SIGLECL1: variants seen among roughly 807,000 people sequenced by gnomAD.
SIGLECL1 encodes the protein SIGLEC family-like protein 1.
In SIGLECL1, 16 loss-of-function variants were observed where a neutral mutation model predicts 19.1. The observed-to-expected ratio is 0.84, with a 90% CI of 0.57 to 1.27. SIGLECL1 has a LOEUF of 1.27. Ranked by LOEUF, SIGLECL1 falls within the 50% of genes most tolerant of loss-of-function variation. The probability of loss-of-function intolerance (pLI) is 0.00; values close to 1 mark genes in which losing one functional copy is unlikely to be tolerated. For synonymous variants in SIGLECL1, 89 were observed against 90.4 expected, an observed-to-expected ratio of 0.98 and a Z score of 0.09; for missense variants, 210 against 239.4, an observed-to-expected ratio of 0.88 and a Z score of 0.81.
At position 51,268,486 on chromosome 19, in the gene SIGLECL1, G is replaced by A. The variant is rs1019177414; in HGVS notation, c.568-85G>A. 21 of 1,396,102 alleles carry A rather than the reference G, an allele frequency of 1.5e-5. No homozygotes were observed. The African/African-American group carries it at 2.5e-4, about 17-fold the overall frequency. The allele number at this position is 1,396,102 out of a possible 1,614,324, so 86.5% of individuals were successfully genotyped here. ...TTGCCTTAATTCTGTGCACAAGGGG[G>A]TGTCTTTTTAAGATTTGGATACCTC... is the stretch of plus-strand genomic sequence containing the variant. On this transcript the variant is annotated intron_variant, in intron 5 of 5. Transcript: ENST00000601727.
chr19:51,267,218 C>T (rs1325303597), intron 4 of SIGLECL1, among the ~76,000 whole-genome samples, 155 bp from the exon 5 acceptor site: 1 of 152,182 alleles, frequency 6.6e-6, no homozygotes, highest in East Asian at 1.9e-4. Context: ...GAGTGTGAAA[C>T]TAATTCCCAG....
chr19:51,264,354 G>C (rs1262030076), intron 2 of SIGLECL1: 1 of 426,382 alleles, frequency 2.3e-6, no homozygotes, highest in African/African-American at 2.1e-5. Flanking sequence ...AGCACTAGGA[G>C]CTGTTTCAGA....
In SIGLECL1 at chr19:51,263,837, T is replaced by G. The variant is rs1983422110; in HGVS notation, c.-190-46T>G. On this transcript the variant is annotated intron_variant, in intron 1 of 5. Coordinates refer to ENST00000601727, the MANE Select transcript of SIGLECL1 (RefSeq NM_001385465.1). ...ACAATCTTAGTTGCCTCCCTGTCCG[T>G]ACGTGCTCATGAGCCTCTCATCCCA... 1.5e-5 allele frequency: 7 copies of G among 464,528 alleles called. No homozygotes were observed. In the South Asian group the frequency reaches 2.2e-4, roughly 14 times the overall value. 28.8% of individuals were successfully genotyped at this position (464,528 alleles called of 1,614,324 possible). A position where few individuals can be genotyped will look rare whatever the true frequency, so the allele number is the denominator to read the frequency against.
chr19:51,268,472 C>G, intron 5 of SIGLECL1, 99 bp from the exon 6 acceptor site: 1 of 1,303,242 alleles, frequency 7.7e-7, no homozygotes. Flanking sequence ...TGCCTTAATT[C>G]TGTGCACAAG....
upstream of SIGLECL1, among the ~76,000 whole-genome samples, chr19:51,249,973 A>C (rs189133896): frequency 1.1e-4 from 16 of 152,154 alleles, no homozygotes; most frequent in African/African-American, 3.9e-4. Context: ...TAACTTCCTG[A>C]CGTTGCCATG....
intron 5 of SIGLECL1, among the ~76,000 whole-genome samples, chr19:51,268,029 C>T (rs1568447286): frequency 6.6e-6 from 1 of 152,128 alleles, no homozygotes; most frequent in South Asian, 2.1e-4. Flanking sequence ...TGTTATTTAC[C>T]GTTTATGATT....
chr19:51,259,098 A>G (rs1245125799), intron 1 of SIGLECL1, among the ~76,000 whole-genome samples: 2 of 150,434 alleles, frequency 1.3e-5, no homozygotes, highest in Non-Finnish European at 2.9e-5. Flanking sequence ...CAGGGGATGG[A>G]TAAGAGATAT....
At chr19:51,248,827 T>C (rs1982347891), upstream of SIGLECL1, among the ~76,000 whole-genome samples, 1 of 152,200 alleles carries the variant, frequency 6.6e-6, no homozygotes. Context: ...TGGTAAAGTC[T>C]CTACTTAGAG....
rs1035826811 is a variant in SIGLECL1 at position 51,251,118 on chromosome 19, G to C, written c.-618G>C. On this transcript the variant is annotated 5_prime_UTR_variant, in exon 1 of 6. Coordinates refer to ENST00000601727, the MANE Select transcript of SIGLECL1 (RefSeq NM_001385465.1). Reference sequence around the variant, plus strand: ...GATGCGAGCTAGCAGGTCTTGCAGCGGCTATCACGCCCCTCACGCCGCTAT... The same window carrying C: ...GATGCGAGCTAGCAGGTCTTGCAGCCGCTATCACGCCCCTCACGCCGCTAT... 2 of 152,326 alleles carry C rather than the reference G, an allele frequency of 1.3e-5. No individual in the cohort carries two copies. The highest frequency in any genetic ancestry group is 3.9e-4 in the East Asian group (2 of 5,178). 9.4% of individuals were successfully genotyped at this position (152,326 alleles called of 1,614,324 possible). A position where few individuals can be genotyped will look rare whatever the true frequency, so the allele number is the denominator to read the frequency against.
upstream of SIGLECL1, among the ~76,000 whole-genome samples, chr19:51,247,608 G>A (rs111301369): frequency 2.0e-5 from 3 of 152,072 alleles, no homozygotes; most frequent in South Asian, 2.1e-4. Context: ...TAGTAGAGAC[G>A]GGGTTTCACC....
chr19:51,256,764 G>A (rs921531093), intron 1 of SIGLECL1, among the ~76,000 whole-genome samples: 1 of 152,102 alleles, frequency 6.6e-6, no homozygotes, highest in Admixed American at 6.6e-5. Flanking sequence ...AAAACGTCAT[G>A]TCGTACACCT....
chr19:51,252,204 G>A (rs1982531565), intron 1 of SIGLECL1, among the ~76,000 whole-genome samples: 1 of 151,992 alleles, frequency 6.6e-6, no homozygotes, highest in Non-Finnish European at 1.5e-5. Flanking sequence ...GGCTGAGGCA[G>A]GAGAATCACT....
intron 1 of SIGLECL1, among the ~76,000 whole-genome samples, chr19:51,260,444 G>C (rs1242926418): frequency 6.6e-6 from 1 of 152,052 alleles, no homozygotes; most frequent in Non-Finnish European, 1.5e-5. Context: ...ATAGGTTTTT[G>C]TTGCTGTGTA....
At chr19:51,257,386 G>T (rs1436036024) in intron 1 of SIGLECL1, among the ~76,000 whole-genome samples, 1 of 151,062 alleles carries the variant, frequency 6.6e-6, no homozygotes, top group Non-Finnish European at 1.5e-5. Flanking sequence ...ATCCAGTCTG[G>T]GTGACAGAGC....
upstream of SIGLECL1, among the ~76,000 whole-genome samples, chr19:51,248,887 T>C (rs1432507814): frequency 6.6e-6 from 1 of 152,118 alleles, no homozygotes; most frequent in East Asian, 1.9e-4. Context: ...TTTTCTAGGA[T>C]ATGACCATTC....
chr19:51,257,355 G>A (rs1982880801), intron 1 of SIGLECL1, among the ~76,000 whole-genome samples: 1 of 151,490 alleles, frequency 6.6e-6, no homozygotes, highest in Admixed American at 6.6e-5. Flanking sequence ...GCAGTGAACT[G>A]TGAATGCTCC....
intron 2 of SIGLECL1, among the ~76,000 whole-genome samples, chr19:51,265,082 T>C (rs1983539021): frequency 6.6e-6 from 1 of 151,816 alleles, no homozygotes; most frequent in African/African-American, 2.4e-5. Flanking sequence ...GAGTAGGAGG[T>C]CTGGCTTGGA....
chr19:51,261,688 T>TA (rs1983236510), intron 1 of SIGLECL1, among the ~76,000 whole-genome samples: 1 of 152,348 alleles, frequency 6.6e-6, no homozygotes, highest in East Asian at 1.9e-4. Context: ...ATGATGATCT[T>TA]AGATTCATAA....
In SIGLECL1 at chr19:51,268,721, C is replaced by G; in HGVS notation, c.*124C>G. ...TAAACCTGGAGCCCCCTGGACTCTC[C>G]TCAGCTCACAAAACCCTCTCAATTC... On this transcript the variant is annotated 3_prime_UTR_variant, in exon 6 of 6. Coordinates refer to ENST00000601727, the MANE Select transcript of SIGLECL1 (RefSeq NM_001385465.1). 1 of 865,696 alleles carries G rather than the reference C, an allele frequency of 1.2e-6. No individual in the cohort carries two copies. The highest frequency in any genetic ancestry group is 1.8e-6 in the Non-Finnish European group (1 of 555,586). 53.6% of individuals were successfully genotyped at this position (865,696 alleles called of 1,614,324 possible).
Sources: allele counts gnomAD v4.1 joint callset (sites outside exome capture counted in the v4.1 genomes callset), GRCh38; gene constraint gnomAD v4.1.1; transcripts MANE v1.5; gene names NCBI Gene and HGNC (gene_info 2026-07-23, HGNC 2026-07-21).